Variants in PCDH11X observed in about 807,000 individuals in gnomAD.
The protein encoded by PCDH11X is protocadherin 11 X-linked, also known as protocadherin-11 X-linked.
Under a neutral mutation model 53.3 loss-of-function variants are expected in PCDH11X, and 18 were observed. The observed-to-expected ratio is 0.34, with a 90% CI of 0.23 to 0.50. The LOEUF (loss-of-function observed/expected upper bound fraction) is 0.50. Ranked by LOEUF, PCDH11X falls within the 20% of genes least tolerant of loss-of-function variation. The pLI, the probability that PCDH11X is intolerant of heterozygous loss-of-function variation, is 0.98. For missense variants in PCDH11X, 570 were observed against 1,032.4 expected, an observed-to-expected ratio of 0.55 and a Z score of 6.14; for synonymous variants, 279 against 393.3, an observed-to-expected ratio of 0.71 and a Z score of 3.44.
At chrX:92,607,010 A>G (rs1926896671) in intron 10 of PCDH11X, among the ~76,000 whole-genome samples, 1 of 111,211 alleles carries the variant, frequency 9.0e-6, no homozygotes, top group Non-Finnish European at 1.9e-5. Context: ...AATAAAAAAG[A>G]CAAATAATAA....
intron 8 of PCDH11X, among the ~76,000 whole-genome samples, chrX:92,299,384 G>T (rs2068674430): frequency 9.0e-6 from 1 of 111,363 alleles, no homozygotes; most frequent in Non-Finnish European, 1.9e-5. Flanking sequence ...CACAGGAATG[G>T]TACTAGCTCC....
At chrX:92,487,391 ATAGTACTTAATGTTTT>A (rs1336308954) in intron 10 of PCDH11X, among the ~76,000 whole-genome samples, 1 of 111,215 alleles carries the variant, frequency 9.0e-6, no homozygotes, top group Non-Finnish European at 1.9e-5. Flanking sequence ...GACTAGAGAG[ATAGTACTTAATGTTTT>A]TAATTTTTTA....
chrX:92,016,139 C>A (rs765989686), intron 6 of PCDH11X, among the ~76,000 whole-genome samples: 1 of 112,850 alleles, frequency 8.9e-6, no homozygotes, highest in East Asian at 2.8e-4. Context: ...TAGGGATCAA[C>A]GGTCAGCTTA....
intron 8 of PCDH11X, among the ~76,000 whole-genome samples, chrX:92,326,639 T>TATATATAG (rs758088746): frequency 1.0e-4 from 4 of 39,331 alleles, no homozygotes; most frequent in African/African-American, 6.8e-4. Context: ...TATATATATA[T>TATATATAG]AGAGAGAGAG....
intron 6 of PCDH11X, among the ~76,000 whole-genome samples, chrX:91,942,328 T>C (rs2061521198): frequency 9.1e-6 from 1 of 110,459 alleles, no homozygotes; most frequent in Non-Finnish European, 1.9e-5. Flanking sequence ...TAGCCAGACA[T>C]AAGAAGAGGA....
chrX:91,812,342 T>C (rs1337959918), intron 4 of PCDH11X, among the ~76,000 whole-genome samples: 1 of 110,734 alleles, frequency 9.0e-6, no homozygotes, highest in Non-Finnish European at 1.9e-5. Context: ...TTTTTCTTGT[T>C]CCCTTCTATT....
intron 9 of PCDH11X, among the ~76,000 whole-genome samples, chrX:92,448,197 G>T (rs1172826736): frequency 9.3e-6 from 1 of 107,283 alleles, no homozygotes; most frequent in Non-Finnish European, 1.9e-5. Context: ...TAAGACTTTG[G>T]GAGACTGTTG....
intron 6 of PCDH11X, among the ~76,000 whole-genome samples, chrX:91,973,957 G>T (rs1224520490): frequency 1.8e-5 from 2 of 110,698 alleles, no homozygotes; most frequent in Non-Finnish European, 3.8e-5. Context: ...TTAACAAAAG[G>T]AAAAGTAAAA....
chrX:91,908,749 G>T (rs1336257453), intron 6 of PCDH11X, among the ~76,000 whole-genome samples: 1 of 107,898 alleles, frequency 9.3e-6, no homozygotes, highest in Non-Finnish European at 1.9e-5. Context: ...AGGTTGCAGT[G>T]AACCAAGATC....
chrX:92,422,200 G>T (rs1603307069), intron 9 of PCDH11X, among the ~76,000 whole-genome samples: 1 of 102,241 alleles, frequency 9.8e-6, no homozygotes, highest in East Asian at 3.1e-4. Context: ...GGAACAGGTA[G>T]TTTTCAGTTA....
chrX:92,037,060 A>G (rs2063137241), intron 6 of PCDH11X, among the ~76,000 whole-genome samples: 1 of 111,727 alleles, frequency 9.0e-6, no homozygotes, highest in Admixed American at 9.5e-5. Context: ...ATTTTATTTT[A>G]TTTTAAATTC....
chrX:92,162,255 G>A (rs1180903369), intron 6 of PCDH11X, among the ~76,000 whole-genome samples: 3 of 104,604 alleles, frequency 2.9e-5, no homozygotes, highest in South Asian at 4.5e-4. Flanking sequence ...GCAGTGGTGC[G>A]ATCTCGGCTT....
chrX:92,184,916 G>A (rs1470673038), intron 6 of PCDH11X, among the ~76,000 whole-genome samples: 1 of 110,512 alleles, frequency 9.0e-6, no homozygotes. Context: ...ACTGGGATTG[G>A]TAATAATATA....
intron 6 of PCDH11X, among the ~76,000 whole-genome samples, chrX:92,092,119 G>A (rs183053264): frequency 8.9e-4 from 99 of 111,439 alleles, no homozygotes; most frequent in African/African-American, 3.1e-3. Context: ...TGGTTTGTAG[G>A]GTGTGACTCC....
intron 6 of PCDH11X, among the ~76,000 whole-genome samples, chrX:91,903,599 C>T (rs1302857471): frequency 9.2e-6 from 1 of 108,624 alleles, no homozygotes; most frequent in African/African-American, 3.4e-5. Flanking sequence ...ATTCTATTTA[C>T]ATAACATGAT....
chrX:92,198,279 C>T (rs1376221029), intron 6 of PCDH11X, among the ~76,000 whole-genome samples: 1 of 104,887 alleles, frequency 9.5e-6, no homozygotes, highest in Non-Finnish European at 1.9e-5. Flanking sequence ...GGCATGGTGA[C>T]ATGTGCCTGT....
chrX:92,384,476 G>A (rs1213761831), intron 8 of PCDH11X, among the ~76,000 whole-genome samples: 5 of 111,133 alleles, frequency 4.5e-5, no homozygotes, highest in African/African-American at 6.6e-5. Flanking sequence ...AGTAGAGAAG[G>A]AGTAATTCAC....
At chrX:91,907,792 C>T (rs1037771962) in intron 6 of PCDH11X, among the ~76,000 whole-genome samples, 5 of 110,308 alleles carry the variant, frequency 4.5e-5, no homozygotes, top group African/African-American at 1.7e-4. Flanking sequence ...CCACCCTCCA[C>T]CCTCTGAAAG....
chrX:92,309,161 G>A (rs1288419328), intron 8 of PCDH11X, among the ~76,000 whole-genome samples: 4 of 112,103 alleles, frequency 3.6e-5, no homozygotes, highest in Non-Finnish European at 1.9e-5. Context: ...AGAATTGAAA[G>A]CAGCATCTTG....
Sources: gnomAD v4.1 joint callset for allele counts (sites outside exome capture counted in the v4.1 genomes callset) on GRCh38, gnomAD v4.1.1 for gene constraint, MANE v1.5 for transcripts, NCBI Gene and HGNC (gene_info 2026-07-23, HGNC 2026-07-21) for gene names.